Variants in WWOX observed in about 807,000 individuals in gnomAD.
WWOX encodes WW domain-containing oxidoreductase.
A neutral mutation model predicts 46.2 loss-of-function variants in WWOX; 69 were observed. That is an observed-to-expected ratio of 1.49 (90% CI 1.23 to 1.82). The LOEUF (loss-of-function observed/expected upper bound fraction) is 1.82. Among genes scored for constraint, WWOX ranks in the 40% most tolerant of loss-of-function variants. The probability of loss-of-function intolerance (pLI) is 0.00; values close to 1 mark genes in which losing one functional copy is unlikely to be tolerated. For synonymous variants in WWOX, 359 were observed against 202.6 expected, an observed-to-expected ratio of 1.77 and a Z score of -6.56; for missense variants, 919 against 542.6, an observed-to-expected ratio of 1.69 and a Z score of -6.89.
chr16:78,448,209 C>T (rs976659716), intron 8 of WWOX, among the ~76,000 whole-genome samples: 1 of 152,176 alleles, frequency 6.6e-6, no homozygotes, highest in African/African-American at 2.4e-5. Flanking sequence ...GTCCCTTCAG[C>T]TCATTTTCTG....
intron 5 of WWOX, among the ~76,000 whole-genome samples, chr16:78,260,314 C>T (rs1017268493): frequency 6.6e-6 from 1 of 151,542 alleles, no homozygotes; most frequent in Non-Finnish European, 1.5e-5. Flanking sequence ...CAAGTTCCCA[C>T]AAAGACCCCA....
In WWOX at chr16:79,039,823, T is replaced by C. The variant is rs1183587465; in HGVS notation, c.1057-171785T>C. 2.0e-5 allele frequency among the ~76,000 whole-genome samples: 3 copies of C among 152,218 alleles called. No individual in the cohort carries two copies. The East Asian group carries it at 5.8e-4, about 29-fold the overall frequency. ...CTTTTTGCGTGCTCTTCTGTCTGTC[T>C]GATATTCATCATCTGACTCATCTCT... On this transcript the variant is annotated intron_variant, in intron 8 of 8. Coordinates refer to ENST00000566780, the MANE Select transcript of WWOX (RefSeq NM_016373.4).
At chr16:78,739,772 T>C (rs2049172442) in intron 8 of WWOX, among the ~76,000 whole-genome samples, 1 of 152,012 alleles carries the variant, frequency 6.6e-6, no homozygotes, top group Non-Finnish European at 1.5e-5. Context: ...GATCGTACCA[T>C]TGCACTCCAG....
chr16:78,318,272 A>ATTTTTTTTTTC lies in WWOX; in HGVS notation c.517-68578_517-68577insCTTTTTTTTTT, dbSNP rs1253074574. 3.5e-4 allele frequency among the ~76,000 whole-genome samples: 43 copies of ATTTTTTTTTTC among 123,554 alleles called. 1 individual carries two copies. The highest frequency in any genetic ancestry group is 1.3e-3 in the African/African-American group (41 of 31,234). The allele number at this position is 123,554 out of a possible 152,430, so 81.1% of individuals were successfully genotyped here. The stretch of plus-strand genomic sequence containing the variant: ...CTTAGGAGCCCTCCGTCTGGGAGGA[A>ATTTTTTTTTTC]TTTTTTTTTTTTTTTTTGGTATATC... On this transcript the variant is annotated intron_variant, in intron 5 of 8. Transcript: ENST00000566780.
chr16:78,360,833 T>C (rs2081393981), intron 5 of WWOX, among the ~76,000 whole-genome samples: 1 of 152,050 alleles, frequency 6.6e-6, no homozygotes, highest in African/African-American at 2.4e-5. Flanking sequence ...AGTGCTTTTT[T>C]TTTTTGAGAC....
intron 8 of WWOX, among the ~76,000 whole-genome samples, chr16:78,986,732 G>A (rs1029593799): frequency 6.6e-6 from 1 of 152,176 alleles, no homozygotes; most frequent in African/African-American, 2.4e-5. Flanking sequence ...TGCACATGTT[G>A]AAACATCTTT....
chr16:78,184,364 A>G (rs76851869), intron 5 of WWOX, among the ~76,000 whole-genome samples: 8,543 of 152,186 alleles, frequency 0.056, 809 homozygotes, highest in African/African-American at 0.19. Flanking sequence ...GATGCCAGAG[A>G]AAATGACCTC....
intron 4 of WWOX, among the ~76,000 whole-genome samples, chr16:78,153,157 A>G (rs1079573): frequency 0.59 from 89,106 of 151,942 alleles, 26,254 homozygotes; most frequent in African/African-American, 0.64. Flanking sequence ...TGGGAGGCAA[A>G]TGTGATCATT....
intron 5 of WWOX, among the ~76,000 whole-genome samples, chr16:78,189,371 G>A (rs1310987715): frequency 6.6e-6 from 1 of 152,202 alleles, no homozygotes; most frequent in Non-Finnish European, 1.5e-5. Context: ...GTGCTCTGAT[G>A]ATGTAACATG....
chr16:78,717,350 A>C (rs528092522), intron 8 of WWOX, among the ~76,000 whole-genome samples: 7 of 152,370 alleles, frequency 4.6e-5, no homozygotes, highest in Non-Finnish European at 1.0e-4. Context: ...AATGTAATTG[A>C]AATAATGTAA....
intron 5 of WWOX, among the ~76,000 whole-genome samples, chr16:78,277,991 A>G (rs1323110172): frequency 6.6e-6 from 1 of 152,176 alleles, no homozygotes; most frequent in Non-Finnish European, 1.5e-5. Flanking sequence ...AACCAAGGTG[A>G]TGATCTTATG....
chr16:78,270,453 T>C (rs1055141197), intron 5 of WWOX: 2 of 152,290 alleles, frequency 1.3e-5, no homozygotes, highest in Non-Finnish European at 2.9e-5. Context: ...GTTTCTAAGC[T>C]TGGGGCTCCT....
intron 5 of WWOX, among the ~76,000 whole-genome samples, chr16:78,244,340 C>T (rs577905605): frequency 1.3e-4 from 20 of 151,760 alleles, no homozygotes; most frequent in African/African-American, 4.9e-4. Context: ...CCGTTTATGG[C>T]ATATTTCATG....
intron 8 of WWOX, among the ~76,000 whole-genome samples, chr16:78,940,095 A>G (rs1181607747): frequency 6.6e-6 from 1 of 152,218 alleles, no homozygotes; most frequent in Non-Finnish European, 1.5e-5. Context: ...GGTGGTCATC[A>G]TTTTATTTGG....
At chr16:79,060,650 C>G (rs1015916287) in intron 8 of WWOX, among the ~76,000 whole-genome samples, 1 of 152,202 alleles carries the variant, frequency 6.6e-6, no homozygotes, top group Non-Finnish European at 1.5e-5. Flanking sequence ...ATTTTCTAGT[C>G]TCATTTTGTA....
intron 8 of WWOX, among the ~76,000 whole-genome samples, chr16:78,923,990 T>A (rs1187476854): frequency 6.6e-6 from 1 of 151,838 alleles, no homozygotes; most frequent in Non-Finnish European, 1.5e-5. Context: ...TTTGTTTTGT[T>A]TTTTTTAGTA....
chr16:78,590,903 C>T (rs1259702098), intron 8 of WWOX, among the ~76,000 whole-genome samples: 4 of 152,158 alleles, frequency 2.6e-5, no homozygotes, highest in Non-Finnish European at 1.5e-5. Context: ...CTACAAAGGA[C>T]ACTGTGCATT....
intron 8 of WWOX, among the ~76,000 whole-genome samples, chr16:78,501,732 TCA>T (rs1438827350): frequency 6.6e-6 from 1 of 152,146 alleles, no homozygotes; most frequent in Non-Finnish European, 1.5e-5. Flanking sequence ...AGACAGAGTT[TCA>T]CCATGTTGGC....
intron 8 of WWOX, among the ~76,000 whole-genome samples, chr16:78,767,490 G>C (rs561494131): frequency 4.0e-5 from 6 of 151,590 alleles, no homozygotes; most frequent in African/African-American, 1.5e-4. Context: ...GTCTGTGTGT[G>C]TGTGTGTGTG....
Sources: gnomAD v4.1 joint callset for allele counts (sites outside exome capture counted in the v4.1 genomes callset) on GRCh38, gnomAD v4.1.1 for gene constraint, MANE v1.5 for transcripts, NCBI Gene and HGNC (gene_info 2026-07-23, HGNC 2026-07-21) for gene names.